The following RPTOR variants were observed in gnomAD, a reference collection of about 807,000 sequenced individuals.
The protein encoded by RPTOR is regulatory associated protein of MTOR complex 1, also known as regulatory-associated protein of mTOR.
In RPTOR, 21 loss-of-function variants were observed where a neutral mutation model predicts 169.9. The ratio of observed to expected loss-of-function variants is 0.12; its 90% CI spans 0.09 to 0.18. The LOEUF is 0.18. Among genes scored for constraint, RPTOR ranks in the 10% least tolerant of loss-of-function variants. The pLI is 1.00. For synonymous variants in RPTOR, 732 were observed against 753.2 expected (o/e 0.97, Z 0.46); for missense variants, 1,133 against 1,855.9 (o/e 0.61, Z 7.16).
At chr17:80,893,048 G>A (rs560686818) in intron 19 of RPTOR, among the ~76,000 whole-genome samples, 179 bp downstream of exon 19, 106 of 152,346 alleles carry the variant, frequency 7.0e-4, no homozygotes, top group Admixed American at 1.1e-3. Flanking sequence ...GCAAGGAGGC[G>A]TAGGCCAGCC....
intron 2 of RPTOR, among the ~76,000 whole-genome samples, chr17:80,626,776 AATTATTATT>A (rs143412094): frequency 0.31 from 44,112 of 140,896 alleles, 7,022 homozygotes; most frequent in Non-Finnish European, 0.36. Context: ...CCATTCTAGG[AATTATTATT>A]ATTATTATTA....
At chr17:80,873,769 G>C (rs193171130) in intron 13 of RPTOR, among the ~76,000 whole-genome samples, 24 of 152,354 alleles carry the variant, frequency 1.6e-4, no homozygotes, top group Non-Finnish European at 2.9e-4. Flanking sequence ...TCACACTGCT[G>C]GGTTATTGAC....
chr17:80,887,794 A>G (rs1280973903), intron 17 of RPTOR, among the ~76,000 whole-genome samples: 1 of 152,224 alleles, frequency 6.6e-6, no homozygotes, highest in Non-Finnish European at 1.5e-5. Context: ...ATGGCCGAGT[A>G]GGTTTTGTTT....
chr17:80,839,895 CTCTA>C (rs1314048896), intron 10 of RPTOR, among the ~76,000 whole-genome samples: 5 of 152,210 alleles, frequency 3.3e-5, no homozygotes, highest in African/African-American at 9.7e-5. Context: ...AAGGATTTTA[CTCTA>C]TCTATGCTAA....
chr17:80,808,010 C>G (rs1463724079), intron 7 of RPTOR, among the ~76,000 whole-genome samples: 3 of 152,252 alleles, frequency 2.0e-5, no homozygotes, highest in African/African-American at 7.2e-5. Context: ...AAAAACTAAT[C>G]TAAGCCTGGC....
intron 10 of RPTOR, among the ~76,000 whole-genome samples, chr17:80,839,591 C>T (rs983768146): frequency 6.6e-6 from 1 of 152,212 alleles, no homozygotes; most frequent in African/African-American, 2.4e-5. Flanking sequence ...GACAGGGTCT[C>T]CTGCAGAGTG....
intron 7 of RPTOR, among the ~76,000 whole-genome samples, chr17:80,800,299 T>C (rs1291745717): frequency 6.6e-6 from 1 of 152,214 alleles, no homozygotes; most frequent in African/African-American, 2.4e-5. Context: ...TCAGAACTGC[T>C]GCACGATATG....
chr17:80,897,446 A>G (rs1030686765), intron 20 of RPTOR, among the ~76,000 whole-genome samples: 1 of 152,238 alleles, frequency 6.6e-6, no homozygotes, highest in South Asian at 2.1e-4. Flanking sequence ...TAGTTAGTTA[A>G]GAATTTTCCT....
At chr17:80,558,757 C>T (rs901359311) in intron 1 of RPTOR, among the ~76,000 whole-genome samples, 6 of 152,112 alleles carry the variant, frequency 3.9e-5, no homozygotes, top group East Asian at 1.9e-4. Flanking sequence ...TATGTGCTCC[C>T]GGCCCTCTGT....
intron 2 of RPTOR, among the ~76,000 whole-genome samples, chr17:80,640,725 G>A (rs779930491): frequency 6.6e-6 from 1 of 152,218 alleles, no homozygotes; most frequent in Non-Finnish European, 1.5e-5. Flanking sequence ...ACTGGGGAGA[G>A]GGTGGGATGG....
intron 1 of RPTOR, among the ~76,000 whole-genome samples, chr17:80,551,135 C>T (rs2084339166): frequency 1.3e-5 from 2 of 152,152 alleles, no homozygotes; most frequent in Non-Finnish European, 2.9e-5. Context: ...GTGATCCTCC[C>T]ACCTCAGCCT....
intron 11 of RPTOR, among the ~76,000 whole-genome samples, chr17:80,854,258 C>T (rs2067828011): frequency 6.6e-6 from 1 of 152,148 alleles, no homozygotes; most frequent in Non-Finnish European, 1.5e-5. Flanking sequence ...CTAGTATTGT[C>T]CCACAAGCTT....
intron 5 of RPTOR, among the ~76,000 whole-genome samples, chr17:80,744,422 TACTAGCACAGC>T (rs1251617233): frequency 2.9e-5 from 3 of 105,076 alleles, no homozygotes; most frequent in South Asian, 2.8e-4. Flanking sequence ...CAGCCCTGGC[TACTAGCACAGC>T]CCTGGCTACT....
chr17:80,837,482 T>C (rs947528795), intron 9 of RPTOR, among the ~76,000 whole-genome samples: 8 of 152,208 alleles, frequency 5.3e-5, no homozygotes, highest in African/African-American at 1.9e-4. Context: ...GGCCTGGCCC[T>C]GGTGTCTCTC....
chr17:80,878,704 C>T lies in RPTOR; in HGVS notation c.1510-1711C>T, dbSNP rs1430436044. 6.6e-6 allele frequency among the ~76,000 whole-genome samples: 1 copy of T among 152,226 alleles called. No individual in the cohort carries two copies. The highest frequency in any genetic ancestry group is 1.5e-5 in the Non-Finnish European group (1 of 68,044). On this transcript the variant is annotated intron_variant, in intron 13 of 33. Coordinates refer to ENST00000306801, the MANE Select transcript of RPTOR (RefSeq NM_020761.3). This position sits in a 1 kb window ranked among gnomAD's most constrained non-coding sequence, Gnocchi z 4.1. ...TGACTAGTAAGAGGGAGAACCTGGA[C>T]TTGAAACTTAGTTTTGTTTCAAATC...
chr17:80,578,989 T>C (rs560331011), intron 1 of RPTOR, among the ~76,000 whole-genome samples: 1 of 152,228 alleles, frequency 6.6e-6, no homozygotes, highest in East Asian at 1.9e-4. Flanking sequence ...AGGTTTTGTT[T>C]TGTCCCCTTG....
At chr17:80,705,035 G>A (rs1477649557) in intron 3 of RPTOR, among the ~76,000 whole-genome samples, 1 of 152,230 alleles carries the variant, frequency 6.6e-6, no homozygotes, top group African/African-American at 2.4e-5. Context: ...CAGGTGACAC[G>A]CTGCCTCCCA....
In RPTOR at chr17:80,937,875, G is replaced by A. The variant is rs571140687; in HGVS notation, c.2920-2621G>A. On this transcript the variant is annotated intron_variant, in intron 24 of 33. Coordinates refer to ENST00000306801, the MANE Select transcript of RPTOR (RefSeq NM_020761.3). ...TCCACCGCTCTCCCTCCTGCCTCAC[G>A]CCGCACCTCCACTTCTGCCCATGCT... Among the ~76,000 whole-genome samples the A allele has an allele frequency of 3.9e-5, 6 of 152,162 alleles. No individual in the cohort carries two copies. In the South Asian group the frequency reaches 6.2e-4, roughly 16 times the overall value.
At chr17:80,766,703 G>A (rs1015327014) in intron 6 of RPTOR, among the ~76,000 whole-genome samples, 4 of 152,044 alleles carry the variant, frequency 2.6e-5, no homozygotes, top group Admixed American at 6.6e-5. Context: ...TTGTCACTAG[G>A]GAAAGAAACA....
Sources: gnomAD v4.1 joint callset for allele counts (sites outside exome capture counted in the v4.1 genomes callset) on GRCh38, gnomAD v4.1.1 for gene constraint, Gnocchi (gnomAD v3.1) non-coding constraint, MANE v1.5 for transcripts, NCBI Gene and HGNC (gene_info 2026-07-23, HGNC 2026-07-21) for gene names.